The following COX17 variants were observed in gnomAD, a reference collection of about 807,000 sequenced individuals.
COX17 encodes cytochrome c oxidase copper chaperone.
COX17 carries 1 observed loss-of-function variant against 6.3 expected under a neutral mutation model. That is an observed-to-expected ratio of 0.16 (90% confidence interval 0.06 to 0.75). The LOEUF (loss-of-function observed/expected upper bound fraction) is 0.75, where lower values mean the gene tolerates loss of function less well. Ranked by LOEUF, COX17 falls within the 30% of genes least tolerant of loss-of-function variation. The pLI is 0.77. For missense variants in COX17, 73 were observed against 81.2 expected (o/e 0.90, Z 0.39); for synonymous variants, 26 against 30.5 (o/e 0.85, Z 0.49).
At chr3:119,664,753 GAACT>G (rs962750867), downstream of COX17, among the ~76,000 whole-genome samples, 2 of 152,130 alleles carry the variant, frequency 1.3e-5, no homozygotes, top group African/African-American at 4.8e-5. Context: ...TATGGCCTTT[GAACT>G]AACAAAAATT....
chr3:119,676,972 A>T, intron 1 of COX17: 1 of 623,870 alleles, frequency 1.6e-6, no homozygotes, highest in East Asian at 3.5e-5. Context: ...GAAACCTACA[A>T]GGCCCAATAA....
chr3:119,668,103 G>T (rs2053010718), downstream of COX17, among the ~76,000 whole-genome samples: 1 of 151,956 alleles, frequency 6.6e-6, no homozygotes. Flanking sequence ...GGCAAAACAT[G>T]ATAATGTTAT....
At chr3:119,668,905 C>G (rs1227829442), downstream of COX17, among the ~76,000 whole-genome samples, 1 of 152,070 alleles carries the variant, frequency 6.6e-6, no homozygotes, top group African/African-American at 2.4e-5. Context: ...CTGTTCAACT[C>G]CAGGCATCAC....
chr3:119,666,366 G>GAA (rs2052992854), downstream of COX17, among the ~76,000 whole-genome samples: 1 of 152,128 alleles, frequency 6.6e-6, no homozygotes, highest in African/African-American at 2.4e-5. Context: ...AAAATAACTT[G>GAA]AGTCTTGGAT....
chr3:119,673,969 G>T (rs188573764), intron 2 of COX17, among the ~76,000 whole-genome samples: 2 of 149,024 alleles, frequency 1.3e-5, no homozygotes, highest in African/African-American at 5.0e-5. Flanking sequence ...GTGCCTCTCC[G>T]CCTGGCCACC....
chr3:119,676,771 T>A (rs745696192), intron 1 of COX17: 1 of 693,844 alleles, frequency 1.4e-6, no homozygotes, highest in South Asian at 1.5e-5. Context: ...TCCATTAACT[T>A]TAAGCTCCTT....
In COX17 at chr3:119,677,297, A is replaced by G; in HGVS notation, c.14T>C (p.Val5Ala). 2.5e-6 allele frequency: 4 copies of G among 1,611,726 alleles called. No homozygotes were observed. The highest frequency in any genetic ancestry group is 3.4e-6 in the Non-Finnish European group (4 of 1,179,810). Residue 5 changes from valine (V) to alanine (A), a missense_variant, in exon 1 of 3, where the codon GTT (valine) becomes GCT (alanine). Transcript: ENST00000261070. MPGLVDSNPAPPESQ... is the reference protein window; with the variant it reads MPGLADSNPAPPESQ... ...CTCAGGCGGGGCAGGGTTTGAGTCA[A>G]CCAGACCCGGCATCTTTCGCGCCAA...
downstream of COX17, among the ~76,000 whole-genome samples, chr3:119,665,855 G>C (rs938548969): frequency 6.6e-6 from 1 of 152,138 alleles, no homozygotes; most frequent in Non-Finnish European, 1.5e-5. Context: ...AACTCTTCAG[G>C]GAACAGTTCT....
At chr3:119,669,249 T>TAAAAA (rs2053019847), downstream of COX17, 1 of 73,012 alleles carries the variant, frequency 1.4e-5, no homozygotes. Context: ...TTTAAGAAAG[T>TAAAAA]TAAAAAAAAA....
At position 119,675,196 on chromosome 3, in the gene COX17, T is replaced by G. The variant is rs1479795130; in HGVS notation, c.145A>C (p.Ile49Leu). Residue 49 changes from isoleucine (I) to leucine (L), a missense_variant, in exon 2 of 3, where the codon ATT (isoleucine) becomes CTT (leucine). Coordinates refer to ENST00000261070, the MANE Select transcript of COX17 (RefSeq NM_005694.2). ...CTCATGCATTCCTTGTGGGCCTCAA[T>G]TAGATGTCCACAGTGTTCTTCTCCT... The part of the protein sequence containing the change: ...EKGEEHCGHL[I>L]EAHKECMRAL... The G allele has an allele frequency of 1.2e-6, 2 of 1,613,474 alleles. No individual in the cohort carries two copies. Among genetic ancestry groups the G allele is most frequent in the Non-Finnish European group, 1.7e-6 (2 of 1,179,464 alleles).
At chr3:119,668,421 G>A (rs1010253849), downstream of COX17, among the ~76,000 whole-genome samples, 20 of 152,028 alleles carry the variant, frequency 1.3e-4, no homozygotes, top group Admixed American at 2.0e-4. Flanking sequence ...ATATCCAAAT[G>A]AATATTCAAG....
intron 1 of COX17, among the ~76,000 whole-genome samples, chr3:119,676,364 C>G (rs549001): frequency 0.9 from 137,290 of 152,290 alleles, 63,587 homozygotes; most frequent in East Asian, 1. Flanking sequence ...TCCCATTATA[C>G]CACTAATGAT....
downstream of COX17, among the ~76,000 whole-genome samples, chr3:119,667,726 C>G (rs1418728084): frequency 2.8e-5 from 3 of 108,304 alleles, no homozygotes; most frequent in African/African-American, 1.0e-4. Flanking sequence ...CACACACACA[C>G]ACAGAGAGAG....
chr3:119,668,373 T>C (rs1159142787), downstream of COX17, among the ~76,000 whole-genome samples: 1 of 152,136 alleles, frequency 6.6e-6, no homozygotes, highest in East Asian at 1.9e-4. Flanking sequence ...TTCACCTAGA[T>C]TATCTCTGTA....
chr3:119,672,684 C>T (rs2053056931), intron 2 of COX17, among the ~76,000 whole-genome samples: 2 of 152,200 alleles, frequency 1.3e-5, no homozygotes, highest in African/African-American at 4.8e-5. Flanking sequence ...AAATAACCAT[C>T]TATTCTAAAA....
Position 119,672,428 on chromosome 3 carries a change from T to C in COX17, c.*4+2717A>G, listed in dbSNP as rs556983666. Among the ~76,000 whole-genome samples, 5 of 152,348 alleles carry C rather than the reference T, an allele frequency of 3.3e-5. No homozygotes were observed. The South Asian group carries it at 1.0e-3, about 32-fold the overall frequency. On this transcript the variant is annotated intron_variant, in intron 2 of 2. Coordinates refer to ENST00000261070, the MANE Select transcript of COX17 (RefSeq NM_005694.2). ...TTTGTGGTTCAGATGAAGTCCAAGA[T>C]AAGCTTTTGATATTCCTAAAATTAG...
downstream of COX17, among the ~76,000 whole-genome samples, chr3:119,664,989 C>G (rs1034996804): frequency 2.0e-5 from 3 of 152,200 alleles, no homozygotes; most frequent in African/African-American, 7.2e-5. Flanking sequence ...TAAGCAGACA[C>G]TATTGGTTGT....
intron 2 of COX17, among the ~76,000 whole-genome samples, chr3:119,672,156 G>A (rs2053051266): frequency 6.6e-6 from 1 of 152,202 alleles, no homozygotes; most frequent in Non-Finnish European, 1.5e-5. Flanking sequence ...CTATGAAGTA[G>A]TTTGGGCATG....
downstream of COX17, among the ~76,000 whole-genome samples, chr3:119,668,760 CTTAA>C (rs1222134831): frequency 6.6e-6 from 1 of 151,944 alleles, no homozygotes; most frequent in African/African-American, 2.4e-5. Context: ...TATACATCCT[CTTAA>C]TTATGTTCTC....
Sources: allele counts gnomAD v4.1 joint callset (sites outside exome capture counted in the v4.1 genomes callset), GRCh38; gene constraint gnomAD v4.1.1; transcripts MANE v1.5; gene names NCBI Gene and HGNC (gene_info 2026-07-23, HGNC 2026-07-21).